CDIN1: variants seen among roughly 807,000 people sequenced by gnomAD.
CDIN1 encodes the protein CDAN1-interacting nuclease 1.
CDIN1 carries 33 observed loss-of-function variants against 45.3 expected under a neutral mutation model. The ratio of observed to expected loss-of-function variants is 0.73; its 90% CI spans 0.55 to 0.97. CDIN1 has a LOEUF of 0.97. CDIN1 is among the 50% of genes least tolerant of loss of function. The pLI is 0.00. For missense variants in CDIN1, 303 were observed against 339.4 expected (o/e 0.89, Z 0.84); for synonymous variants, 118 against 124.4 (o/e 0.95, Z 0.34).
intron 1 of CDIN1, among the ~76,000 whole-genome samples, chr15:36,615,727 C>T (rs1168430982): frequency 6.6e-6 from 1 of 152,210 alleles, no homozygotes; most frequent in Non-Finnish European, 1.5e-5. Context: ...AAAGATTATT[C>T]TACCTACATT....
At chr15:36,658,090 C>G (rs2040851895) in intron 5 of CDIN1, among the ~76,000 whole-genome samples, 185 bp downstream of exon 5, 4 of 152,258 alleles carry the variant, frequency 2.6e-5, no homozygotes, top group South Asian at 2.1e-4. Flanking sequence ...GAATAATGCT[C>G]TCTTCTTTGT....
chr15:36,800,879 ATGTGTGTGTGTGTGTGTGTGTGTGTGTG>A (rs1163549097), intron 10 of CDIN1, among the ~76,000 whole-genome samples: 21 of 82,510 alleles, frequency 2.5e-4, no homozygotes, highest in African/African-American at 8.1e-4. Context: ...GTGTGTATAT[ATGTGTGTGTGTGTGTGTGTGTGTGTGTG>A]TGTATATATA....
intron 5 of CDIN1, among the ~76,000 whole-genome samples, chr15:36,658,651 T>G (rs1209758218): frequency 6.6e-6 from 1 of 152,214 alleles, no homozygotes; most frequent in Non-Finnish European, 1.5e-5. Context: ...CCTAGTATAA[T>G]GTTTACCTTT....
Position 36,579,795 on chromosome 15 carries a change from C to G in CDIN1, c.-66C>G. 7.4e-7 allele frequency: 1 copy of G among 1,356,382 alleles called. No homozygotes were observed. Among genetic ancestry groups the G allele is most frequent in the Non-Finnish European group, 1.0e-6 (1 of 977,064 alleles). 84.0% of individuals were successfully genotyped at this position (1,356,382 alleles called of 1,614,324 possible). On this transcript the variant is annotated 5_prime_UTR_variant, in exon 1 of 11. Coordinates refer to ENST00000566621, the MANE Select transcript of CDIN1 (RefSeq NM_001321759.2). The stretch of plus-strand genomic sequence containing the variant: ...TTTGCCTACCCCTCATCCCTCGGCA[C>G]CAAGGCTACTTGAGCCCCAGGGTGT...
intron 10 of CDIN1, among the ~76,000 whole-genome samples, chr15:36,793,087 C>T (rs994649898): frequency 2.6e-5 from 4 of 152,152 alleles, no homozygotes; most frequent in Non-Finnish European, 5.9e-5. Flanking sequence ...CCCAGAGACA[C>T]CTCCCCTCTG....
chr15:36,673,340 C>T (rs1294005987), intron 5 of CDIN1, among the ~76,000 whole-genome samples: 4 of 152,034 alleles, frequency 2.6e-5, no homozygotes, highest in East Asian at 1.9e-4. Flanking sequence ...GCTTTACCAT[C>T]GTGCATTATC....
chr15:36,710,098 A>G, intron 10 of CDIN1, 137 bp downstream of exon 10: 1 of 526,822 alleles, frequency 1.9e-6, no homozygotes, highest in Non-Finnish European at 3.2e-6. Flanking sequence ...TAATGTATTC[A>G]TTTCAGATAA....
Position 36,645,316 on chromosome 15 carries a change from A to G in CDIN1, c.212+29A>G, listed in dbSNP as rs143484998. 3.1e-5 allele frequency: 45 copies of G among 1,466,658 alleles called. No individual in the cohort carries two copies. In the East Asian group the frequency reaches 6.2e-4, roughly 20 times the overall value. The allele number at this position is 1,466,658 out of a possible 1,614,324, so 90.9% of individuals were successfully genotyped here. On this transcript the variant is annotated intron_variant, in intron 3 of 10. Transcript: ENST00000566621. ...TGACCTTCCTGCCCCACTAGAGGGT[A>G]TCATAGTACCTATTAATTGTAATAA...
At chr15:36,782,055 G>A (rs1205285291) in intron 10 of CDIN1, among the ~76,000 whole-genome samples, 1 of 152,160 alleles carries the variant, frequency 6.6e-6, no homozygotes, top group Admixed American at 6.5e-5. Flanking sequence ...GCCATGGATT[G>A]TAAACAGACT....
At chr15:36,702,449 A>G (rs932361777) in intron 8 of CDIN1, among the ~76,000 whole-genome samples, 2 of 152,088 alleles carry the variant, frequency 1.3e-5, no homozygotes, top group African/African-American at 4.8e-5. Context: ...TTTGAGATTC[A>G]GCTCCCTGGA....
chr15:36,603,736 T>C (rs1367492234), intron 1 of CDIN1, among the ~76,000 whole-genome samples: 1 of 152,210 alleles, frequency 6.6e-6, no homozygotes, highest in Non-Finnish European at 1.5e-5. Flanking sequence ...GACTTATACT[T>C]ACTGTAGAGT....
At chr15:36,725,218 G>C (rs2043579729) in intron 10 of CDIN1, among the ~76,000 whole-genome samples, 1 of 151,822 alleles carries the variant, frequency 6.6e-6, no homozygotes, top group Admixed American at 6.6e-5. Flanking sequence ...CTCCTTCACA[G>C]ATAAACACAC....
rs370036091 is a variant in CDIN1 at position 36,800,909 on chromosome 15, GTATATATA to G, written c.717-7387_717-7380del. Among the ~76,000 whole-genome samples the G allele has an allele frequency of 3.0e-3, 67 of 22,390 alleles. 1 individual carries two copies. Among genetic ancestry groups the G allele is most frequent in the Middle Eastern group, 0.2 (2 of 10 alleles). 14.7% of individuals were successfully genotyped at this position (22,390 alleles called of 152,430 possible). The stretch of plus-strand genomic sequence containing the variant: ...TGTGTGTGTGTGTGTGTGTGTGTGT[GTATATATA>G]TATATATATATATATATATATATAT... On this transcript the variant is annotated intron_variant, in intron 10 of 10. Transcript: ENST00000566621.
intron 7 of CDIN1, among the ~76,000 whole-genome samples, chr15:36,694,463 T>C (rs1356755744): frequency 1.3e-5 from 2 of 152,208 alleles, no homozygotes; most frequent in African/African-American, 2.4e-5. Flanking sequence ...CTTAGTGCCT[T>C]ATGAAAATGT....
intron 1 of CDIN1, among the ~76,000 whole-genome samples, chr15:36,595,290 T>TATAATATAA (rs2037759865): frequency 3.5e-5 from 5 of 141,420 alleles, no homozygotes; most frequent in Non-Finnish European, 6.1e-5. Context: ...TACACTTACA[T>TATAATATAA]TATAATATAA....
chr15:36,789,747 C>T (rs939661629), intron 10 of CDIN1, among the ~76,000 whole-genome samples: 1 of 152,154 alleles, frequency 6.6e-6, no homozygotes, highest in African/African-American at 2.4e-5. Flanking sequence ...TATTTCCATC[C>T]TCTTCTGAAA....
At chr15:36,598,827 G>GT (rs1206310341) in intron 1 of CDIN1, among the ~76,000 whole-genome samples, 2 of 151,034 alleles carry the variant, frequency 1.3e-5, no homozygotes, top group Non-Finnish European at 1.5e-5. Flanking sequence ...TTGTTTGTTT[G>GT]TTTTTTTGTT....
intron 1 of CDIN1, among the ~76,000 whole-genome samples, chr15:36,635,478 C>T (rs1357077232): frequency 6.6e-6 from 1 of 152,080 alleles, no homozygotes; most frequent in Non-Finnish European, 1.5e-5. Context: ...ATGAGTCCTG[C>T]AGGGCTGACT....
intron 1 of CDIN1, among the ~76,000 whole-genome samples, chr15:36,585,057 C>A (rs2037232778): frequency 6.6e-6 from 1 of 152,180 alleles, no homozygotes; most frequent in Non-Finnish European, 1.5e-5. Context: ...CTGGTCCAAT[C>A]AGCTGTTACT....
Sources: gnomAD v4.1 joint callset for allele counts (sites outside exome capture counted in the v4.1 genomes callset) on GRCh38, gnomAD v4.1.1 for gene constraint, MANE v1.5 for transcripts, NCBI Gene and HGNC (gene_info 2026-07-23, HGNC 2026-07-21) for gene names.